The following AKAP6 variants were observed in gnomAD, a reference collection of about 807,000 sequenced individuals.
AKAP6 encodes the protein A-kinase anchor protein 6.
AKAP6 carries 58 observed loss-of-function variants against 188.5 expected under a neutral mutation model. The observed-to-expected ratio is 0.31, with a 90% CI of 0.25 to 0.38. AKAP6 has a LOEUF of 0.38. Among genes scored for constraint, AKAP6 ranks in the 10% least tolerant of loss-of-function variants. The pLI, the probability that AKAP6 is intolerant of heterozygous loss-of-function variation, is 1.00. For missense variants in AKAP6, 2,710 were observed against 2,740.0 expected (o/e 0.99, Z 0.24); for synonymous variants, 989 against 998.6 (o/e 0.99, Z 0.18).
intron 2 of AKAP6, among the ~76,000 whole-genome samples, chr14:32,493,924 C>T (rs1880169690): frequency 6.6e-6 from 1 of 152,020 alleles, no homozygotes; most frequent in African/African-American, 2.4e-5. Flanking sequence ...CCTGGGAGCA[C>T]TGAGGAGGGG....
At chr14:32,492,390 G>T (rs1555333508) in intron 2 of AKAP6, among the ~76,000 whole-genome samples, 2 of 111,304 alleles carry the variant, frequency 1.8e-5, no homozygotes, top group South Asian at 3.5e-4. Flanking sequence ...AGAGGCATTT[G>T]GATACATGCA....
chr14:32,693,003 T>C (rs1890244964), intron 8 of AKAP6, among the ~76,000 whole-genome samples: 1 of 152,140 alleles, frequency 6.6e-6, no homozygotes, highest in Admixed American at 6.5e-5. Context: ...CAATACTCTG[T>C]TTTTCAGATT....
At chr14:32,734,987 T>C (rs2031346612) in intron 10 of AKAP6, among the ~76,000 whole-genome samples, 3 of 152,060 alleles carry the variant, frequency 2.0e-5, no homozygotes, top group Admixed American at 2.0e-4. Flanking sequence ...AGGCTTCTAG[T>C]GTAGTGAATT....
intron 9 of AKAP6, among the ~76,000 whole-genome samples, chr14:32,722,853 C>T (rs547100701): frequency 9.1e-4 from 138 of 152,242 alleles, no homozygotes; most frequent in African/African-American, 3.2e-3. Context: ...CAGGATGCAC[C>T]GGGTGCAGGA....
At chr14:32,547,029 T>G in intron 4 of AKAP6, 30 bp downstream of exon 4, 1 of 1,556,008 alleles carries the variant, frequency 6.4e-7, no homozygotes, top group East Asian at 2.2e-5. Context: ...ATGAATGATT[T>G]CTCACTTGAG....
At chr14:32,779,120 A>T (rs2033159120) in intron 12 of AKAP6, among the ~76,000 whole-genome samples, 1 of 151,920 alleles carries the variant, frequency 6.6e-6, no homozygotes, top group Non-Finnish European at 1.5e-5. Context: ...TTTAGGCCAG[A>T]TGTGGTGGCT....
At chr14:32,527,761 G>C (rs970703147) in intron 2 of AKAP6, among the ~76,000 whole-genome samples, 5 of 151,992 alleles carry the variant, frequency 3.3e-5, no homozygotes, top group Non-Finnish European at 7.4e-5. Context: ...CTTTGGTGAG[G>C]CATCTGTTAA....
chr14:32,509,524 A>G (rs1033493013), intron 2 of AKAP6, among the ~76,000 whole-genome samples: 1 of 152,006 alleles, frequency 6.6e-6, no homozygotes, highest in Non-Finnish European at 1.5e-5. Flanking sequence ...CATTATTTTT[A>G]TGGCAAAATA....
chr14:32,751,445 G>C (rs1304587721), intron 11 of AKAP6, among the ~76,000 whole-genome samples: 2 of 147,568 alleles, frequency 1.4e-5, no homozygotes. Flanking sequence ...TGTGTGAGTT[G>C]TAGCTTTTGT....
At chr14:32,398,760 G>A (rs570713219) in intron 1 of AKAP6, among the ~76,000 whole-genome samples, 2 of 145,582 alleles carry the variant, frequency 1.4e-5, no homozygotes, top group South Asian at 4.4e-4. Flanking sequence ...CTATATGTTT[G>A]CCCTTTTCTT....
intron 11 of AKAP6, among the ~76,000 whole-genome samples, chr14:32,760,027 A>G (rs1158678100): frequency 1.3e-5 from 2 of 152,234 alleles, no homozygotes; most frequent in South Asian, 2.1e-4. Context: ...TGCTTTGCTT[A>G]CGCATGTGGT....
At chr14:32,648,986 A>G (rs961081481) in intron 7 of AKAP6, among the ~76,000 whole-genome samples, 8 of 152,182 alleles carry the variant, frequency 5.3e-5, no homozygotes, top group Non-Finnish European at 1.0e-4. Context: ...ATTTTTAATT[A>G]AACACCAAGG....
At chr14:32,508,926 G>T (rs567134455) in intron 2 of AKAP6, among the ~76,000 whole-genome samples, 1 of 149,418 alleles carries the variant, frequency 6.7e-6, no homozygotes, top group Non-Finnish European at 1.5e-5. Context: ...CCTGGGTTCA[G>T]CGATTCTCCT....
chr14:32,726,963 G>C (rs2139810729), intron 9 of AKAP6, among the ~76,000 whole-genome samples: 1 of 152,216 alleles, frequency 6.6e-6, no homozygotes, highest in Admixed American at 6.5e-5. Context: ...GACTGTTTTT[G>C]GTAGTAGTGG....
chr14:32,801,103 A>G (rs1243398853), intron 12 of AKAP6, among the ~76,000 whole-genome samples: 1 of 152,184 alleles, frequency 6.6e-6, no homozygotes, highest in East Asian at 1.9e-4. Flanking sequence ...CAATCTCTAT[A>G]TTTTAATTGC....
chr14:32,448,673 A>G (rs17099150), intron 2 of AKAP6, among the ~76,000 whole-genome samples: 1 of 152,334 alleles, frequency 6.6e-6, no homozygotes, highest in East Asian at 1.9e-4. Context: ...TTCTCAAGAC[A>G]TTGCACACAT....
At chr14:32,468,139 A>G (rs956388795) in intron 2 of AKAP6, among the ~76,000 whole-genome samples, 1 of 150,370 alleles carries the variant, frequency 6.7e-6, no homozygotes, top group Non-Finnish European at 1.5e-5. Context: ...CCCAGACAGC[A>G]GCATTCAGAA....
At chr14:32,647,159 T>C (rs927807685) in intron 7 of AKAP6, among the ~76,000 whole-genome samples, 2 of 152,130 alleles carry the variant, frequency 1.3e-5, no homozygotes, top group African/African-American at 4.8e-5. Context: ...AAACCGTGCT[T>C]CATATATTAT....
At chr14:32,643,680 TTTG>T (rs796147239) in intron 7 of AKAP6, among the ~76,000 whole-genome samples, 3 of 152,280 alleles carry the variant, frequency 2.0e-5, no homozygotes, top group East Asian at 1.9e-4. Context: ...GCATGTTTTC[TTTG>T]TTGTTGTTTT....
Sources: gnomAD v4.1 joint callset for allele counts (sites outside exome capture counted in the v4.1 genomes callset) on GRCh38, gnomAD v4.1.1 for gene constraint, MANE v1.5 for transcripts, NCBI Gene and HGNC (gene_info 2026-07-23, HGNC 2026-07-21) for gene names.